The following MEGF11 variants were observed in gnomAD, a reference collection of about 807,000 sequenced individuals.
MEGF11 encodes multiple epidermal growth factor-like domains protein 11.
A neutral mutation model predicts 146.6 loss-of-function variants in MEGF11; 126 were observed. The observed-to-expected ratio is 0.86, with a 90% CI of 0.74 to 1.00. The LOEUF (loss-of-function observed/expected upper bound fraction) is 1.00, where lower values mean the gene tolerates loss of function less well. Among genes scored for constraint, MEGF11 ranks in the 50% least tolerant of loss-of-function variants. The pLI, the probability that MEGF11 is intolerant of heterozygous loss-of-function variation, is 0.00. For missense variants in MEGF11, 1,509 were observed against 1,521.2 expected (o/e 0.99, Z 0.13); for synonymous variants, 532 against 583.4 (o/e 0.91, Z 1.27).
rs187335825 is a variant in MEGF11 at position 66,105,737 on chromosome 15, C to T, written c.302-11243G>A. 6.6e-4 allele frequency among the ~76,000 whole-genome samples: 101 copies of T among 152,352 alleles called. 1 individual carries two copies. The Middle Eastern group carries it at 0.02, about 31-fold the overall frequency. On this transcript the variant is annotated intron_variant, in intron 4 of 25. Transcript: ENST00000395614. ...GAATTTCTGCAGCTTATGCATTTAC[C>T]TTGCCAAAAGTTTAGCTGAGCAAAC...
chr15:66,200,625 A>G (rs73473773), intron 1 of MEGF11, among the ~76,000 whole-genome samples: 2,130 of 147,420 alleles, frequency 0.014, 45 homozygotes, highest in African/African-American at 0.051. Context: ...GGAGGCTGTG[A>G]CAACAGCAGC....
intron 1 of MEGF11, among the ~76,000 whole-genome samples, chr15:66,236,365 G>A (rs1268311310): frequency 3.3e-5 from 5 of 152,136 alleles, no homozygotes; most frequent in Admixed American, 1.3e-4. Context: ...GACAGGCAGG[G>A]ACATGGTCCA....
At chr15:65,917,385 G>A (rs928199249) in intron 16 of MEGF11, among the ~76,000 whole-genome samples, 1 of 152,162 alleles carries the variant, frequency 6.6e-6, no homozygotes, top group Non-Finnish European at 1.5e-5. Flanking sequence ...CTCCTCATCA[G>A]AATGGAAATT....
intron 1 of MEGF11, among the ~76,000 whole-genome samples, chr15:66,133,611 CT>C (rs1318289569): frequency 2.6e-5 from 4 of 152,166 alleles, no homozygotes; most frequent in African/African-American, 9.7e-5. Context: ...GTCCCCAGCC[CT>C]CTCTATTTAC....
intron 7 of MEGF11, among the ~76,000 whole-genome samples, chr15:65,977,584 A>G (rs2081495807): frequency 1.3e-5 from 2 of 151,230 alleles, no homozygotes; most frequent in Admixed American, 6.6e-5. Context: ...GTTTCAAGCA[A>G]TTCTCCTGCC....
At chr15:66,032,003 G>A (rs333586) in intron 5 of MEGF11, among the ~76,000 whole-genome samples, 98,263 of 152,084 alleles carry the variant, frequency 0.65, 32,230 homozygotes, top group Admixed American at 0.71. Context: ...AGATTCTCAT[G>A]GGAGCACACA....
Position 66,079,542 on chromosome 15 carries a change from C to CCG in MEGF11, c.394+14859_394+14860insCG, listed in dbSNP as rs954106494. 7.6e-5 allele frequency among the ~76,000 whole-genome samples: 11 copies of CCG among 145,076 alleles called. 1 individual carries two copies. The highest frequency in any genetic ancestry group is 4.6e-4 in the South Asian group (2 of 4,366). On this transcript the variant is annotated intron_variant, in intron 5 of 25. Coordinates refer to ENST00000395614, the MANE Select transcript of MEGF11 (RefSeq NM_001385028.1). ...ACCTGGGAACCTTCATTCACACCCC[C>CCG]CCCCCCAGCACCCCCGCCAAAACTC... is the stretch of plus-strand genomic sequence containing the variant.
intron 7 of MEGF11, among the ~76,000 whole-genome samples, chr15:65,976,333 G>A (rs757009927): frequency 2.6e-4 from 39 of 152,110 alleles, no homozygotes; most frequent in Admixed American, 8.5e-4. Flanking sequence ...GAGCCACCAC[G>A]CCCGGCCAAC....
chr15:66,038,954 T>A (rs2140281073), intron 5 of MEGF11, among the ~76,000 whole-genome samples: 1 of 152,294 alleles, frequency 6.6e-6, no homozygotes. Flanking sequence ...GGGCACATAC[T>A]CCTGCCAGTG....
intron 9 of MEGF11, among the ~76,000 whole-genome samples, chr15:65,958,676 G>A (rs1001072384): frequency 7.9e-5 from 12 of 152,180 alleles, no homozygotes; most frequent in Non-Finnish European, 1.5e-4. Flanking sequence ...TCTTAGAACC[G>A]TGCTGTGGGT....
intron 1 of MEGF11, among the ~76,000 whole-genome samples, chr15:66,249,044 C>T (rs1247767803): frequency 6.6e-6 from 1 of 152,134 alleles, no homozygotes; most frequent in African/African-American, 2.4e-5. Flanking sequence ...TTACATTTAC[C>T]AGGCCAGCCA....
intron 7 of MEGF11, among the ~76,000 whole-genome samples, chr15:65,972,678 A>T (rs2081331957): frequency 6.6e-6 from 1 of 152,142 alleles, no homozygotes; most frequent in South Asian, 2.1e-4. Context: ...GGAAAAAAAT[A>T]ATTTCCAACT....
intron 1 of MEGF11, among the ~76,000 whole-genome samples, chr15:66,251,703 C>A (rs923292536): frequency 6.6e-6 from 1 of 152,218 alleles, no homozygotes. Flanking sequence ...CTAGAAAAGG[C>A]CCTGACCCAG....
At chr15:66,085,855 G>A (rs2086086377) in intron 5 of MEGF11, among the ~76,000 whole-genome samples, 1 of 152,172 alleles carries the variant, frequency 6.6e-6, no homozygotes, top group Non-Finnish European at 1.5e-5. Context: ...GAATTCAGGA[G>A]GTTATTAAGC....
At chr15:66,152,295 A>G (rs2089599266) in intron 1 of MEGF11, among the ~76,000 whole-genome samples, 1 of 152,054 alleles carries the variant, frequency 6.6e-6, no homozygotes, top group Non-Finnish European at 1.5e-5. Context: ...AAGGGCAAGA[A>G]AGAGGGTCCC....
rs1238095390 is a variant in MEGF11 at position 65,958,167 on chromosome 15, C to T, written c.1113-446G>A. On this transcript the variant is annotated intron_variant, in intron 9 of 25. Transcript: ENST00000395614. ...AGGTAGCAATGATACCCCAGTGGCT[C>T]TCCACATTGTAGGTGTTCAATGAAT... is the stretch of plus-strand genomic sequence containing the variant. Among the ~76,000 whole-genome samples, 3 of 152,248 alleles carry T rather than the reference C, an allele frequency of 2.0e-5. No individual in the cohort carries two copies. The East Asian group carries it at 5.8e-4, about 29-fold the overall frequency.
At chr15:65,967,705 T>C (rs1025907939) in intron 8 of MEGF11, among the ~76,000 whole-genome samples, 3 of 152,174 alleles carry the variant, frequency 2.0e-5, no homozygotes, top group Admixed American at 2.0e-4. Context: ...TTTGCTGCTC[T>C]GTGCCCACAG....
chr15:66,062,923 G>A (rs1016236900), intron 5 of MEGF11, among the ~76,000 whole-genome samples: 3 of 152,218 alleles, frequency 2.0e-5, no homozygotes, highest in Non-Finnish European at 4.4e-5. Flanking sequence ...TGACATGGAA[G>A]ATTGTTTTTA....
Position 66,119,092 on chromosome 15 carries a change from A to G in MEGF11, c.295T>C (p.Cys99Arg), listed in dbSNP as rs2087880947. The change falls in exon 4 of 26, where the codon TGC becomes CGC. Residue 99 changes from cysteine (C) to arginine (R), a missense_variant. Coordinates refer to ENST00000395614, the MANE Select transcript of MEGF11 (RefSeq NM_001385028.1). Reference protein sequence around the residue: ...CPGYYESGDFCIPLCTEECVH... With the variant: ...CPGYYESGDFRIPLCTEECVH... ...AGCAGCAGCCCCTACATACGTATGC[A>G]GAAGTCTCCGCTCTCATAGTAGCCA... 1 of 1,549,780 alleles carries G rather than the reference A, an allele frequency of 6.5e-7. No homozygotes were observed. Among genetic ancestry groups the G allele is most frequent in the South Asian group, 1.2e-5 (1 of 84,004 alleles).
Sources: gnomAD v4.1 joint callset for allele counts (sites outside exome capture counted in the v4.1 genomes callset) on GRCh38, gnomAD v4.1.1 for gene constraint, MANE v1.5 for transcripts, NCBI Gene and HGNC (gene_info 2026-07-23, HGNC 2026-07-21) for gene names.